EXOC6: variants seen among roughly 807,000 people sequenced by gnomAD.
EXOC6 encodes SEC15-like 1.
In EXOC6, 60 loss-of-function variants were observed where a neutral mutation model predicts 112.5. That is an observed-to-expected ratio of 0.53 (90% CI 0.43 to 0.66). The LOEUF is 0.66. EXOC6 is among the 30% of genes least tolerant of loss of function. EXOC6 has a pLI of 0.00. For synonymous variants in EXOC6, 295 were observed against 308.0 expected (o/e 0.96, Z 0.44); for missense variants, 855 against 957.1 (o/e 0.89, Z 1.41).
chr10:92,842,569 G>A (rs968664140), intron 1 of EXOC6, among the ~76,000 whole-genome samples: 2 of 151,864 alleles, frequency 1.3e-5, no homozygotes, highest in Non-Finnish European at 1.5e-5. Flanking sequence ...GGCAGTAAAG[G>A]AAGGCTAAGC....
At chr10:92,829,484 C>T (rs758233462) in intron 1 of EXOC6, among the ~76,000 whole-genome samples, 9 of 152,216 alleles carry the variant, frequency 5.9e-5, no homozygotes, top group African/African-American at 1.4e-4. Flanking sequence ...CAATGAACCT[C>T]GGACAACAAC....
At chr10:92,899,814 C>T (rs958962685) in intron 5 of EXOC6, 170 bp downstream of exon 5, 1 of 486,836 alleles carries the variant, frequency 2.1e-6, no homozygotes, top group African/African-American at 2.0e-5. Context: ...CAAATCTTAG[C>T]CTTTTATTAA....
rs765913469 is a variant in EXOC6, at chr10:92,934,449, A to T, written c.1140+19A>T. ...TCATTCAGTAAGTCAGACAATTTAC[A>T]TTACTAAAATTTTAATTCAGTTACT... On this transcript the variant is annotated intron_variant, in intron 11 of 21. Coordinates refer to ENST00000260762, the MANE Select transcript of EXOC6 (RefSeq NM_019053.6). 4 of 1,529,164 alleles carry T rather than the reference A, an allele frequency of 2.6e-6. No individual in the cohort carries two copies. The highest frequency in any genetic ancestry group is 3.5e-6 in the Non-Finnish European group (4 of 1,146,268). The allele number at this position is 1,529,164 out of a possible 1,614,324, so 94.7% of individuals were successfully genotyped here. A position where few individuals can be genotyped will look rare whatever the true frequency, so the allele number is the denominator to read the frequency against.
intron 2 of EXOC6, among the ~76,000 whole-genome samples, chr10:92,893,997 T>C (rs1211300784): frequency 2.0e-5 from 3 of 152,192 alleles, no homozygotes; most frequent in African/African-American, 7.2e-5. Flanking sequence ...AGCTAAAACA[T>C]TATTTATTAA....
intron 20 of EXOC6, among the ~76,000 whole-genome samples, chr10:93,022,635 A>C (rs2134262930): frequency 6.6e-6 from 1 of 152,266 alleles, no homozygotes; most frequent in Admixed American, 6.5e-5. Flanking sequence ...TGAAAAAGAT[A>C]GATATTTTTC....
At chr10:92,970,059 G>A (rs867632436) in intron 17 of EXOC6, among the ~76,000 whole-genome samples, 2 of 152,008 alleles carry the variant, frequency 1.3e-5, no homozygotes, top group South Asian at 2.1e-4. Flanking sequence ...CTTTTTTCAA[G>A]ACAGGGGTGA....
In EXOC6 at chr10:92,934,387, A is replaced by G. The variant is rs776549489; in HGVS notation, c.1097A>G (p.Asn366Ser). Reference protein sequence around the residue: ...VTRAYTDELWNMALSKIIAVL... With the variant: ...VTRAYTDELWSMALSKIIAVL... ...AGGGCATACACTGATGAACTTTGGA[A>G]CATGGCCCTCTCAAAGATAATTGCT... Residue 366 changes from asparagine (N) to serine (S), a missense_variant, in exon 11 of 22, where the codon AAC (asparagine) becomes AGC (serine). Physicochemically the swap from Asn to Ser is conservative, Grantham distance 46 (BLOSUM62 1). Transcript: ENST00000260762. 1.2e-6 allele frequency: 2 copies of G among 1,602,392 alleles called. No homozygotes were observed. Among genetic ancestry groups the G allele is most frequent in the African/African-American group, 2.7e-5 (2 of 74,056 alleles).
chr10:92,935,728 C>T, intron 11 of EXOC6, 86 bp from the exon 12 acceptor site: 1 of 955,218 alleles, frequency 1.0e-6, no homozygotes. Context: ...GAAACATTAT[C>T]AATTTCTTAT....
chr10:93,018,863 A>G (rs1227029046), intron 20 of EXOC6, among the ~76,000 whole-genome samples: 3 of 151,746 alleles, frequency 2.0e-5, no homozygotes, highest in African/African-American at 7.2e-5. Flanking sequence ...AAAATATTAA[A>G]TTAAAAAAAT....
At chr10:93,019,142 G>T (rs1386092013) in intron 20 of EXOC6, among the ~76,000 whole-genome samples, 1 of 151,894 alleles carries the variant, frequency 6.6e-6, no homozygotes, top group African/African-American at 2.4e-5. Flanking sequence ...TATGAGACTG[G>T]CTAGTTTTTG....
intron 17 of EXOC6, among the ~76,000 whole-genome samples, chr10:92,962,740 G>T (rs1056988807): frequency 6.6e-6 from 1 of 152,158 alleles, no homozygotes; most frequent in Non-Finnish European, 1.5e-5. Context: ...GGAAGATATG[G>T]AATGGTTCTT....
At chr10:92,979,634 T>C (rs1842757758) in intron 18 of EXOC6, among the ~76,000 whole-genome samples, 1 of 152,164 alleles carries the variant, frequency 6.6e-6, no homozygotes, top group African/African-American at 2.4e-5. Flanking sequence ...AGTGAGAGAA[T>C]TGATTACTTC....
At chr10:92,991,106 A>C (rs865612) in intron 18 of EXOC6, among the ~76,000 whole-genome samples, 1,610 of 148,210 alleles carry the variant, frequency 0.011, 34 homozygotes, top group African/African-American at 0.038. Flanking sequence ...TGTTGTCTAA[A>C]CCATTAGTGA....
At chr10:93,004,298 A>G (rs1843883119) in intron 19 of EXOC6, among the ~76,000 whole-genome samples, 1 of 152,142 alleles carries the variant, frequency 6.6e-6, no homozygotes, top group African/African-American at 2.4e-5. Flanking sequence ...ACAGAGTGCT[A>G]TGCTCATAAT....
chr10:92,914,386 G>A (rs1400950303), intron 6 of EXOC6, among the ~76,000 whole-genome samples: 3 of 152,070 alleles, frequency 2.0e-5, no homozygotes, highest in African/African-American at 7.2e-5. Context: ...AAAGTTAAGC[G>A]GATTTCTTTA....
Position 92,952,299 on chromosome 10 carries a change from G to C in EXOC6, c.1443G>C (p.Met481Ile). 6.2e-7 allele frequency: 1 copy of C among 1,610,396 alleles called. No homozygotes were observed. The highest frequency in any genetic ancestry group is 8.5e-7 in the Non-Finnish European group (1 of 1,178,160). ...EKQSFPKKFP[M>I]SQSVPHIYIQ... ...AGTCTTTCCCAAAGAAATTCCCCAT[G>C]TCTCAGTCAGTGCCTCATATTTACA... is the stretch of plus-strand genomic sequence containing the variant. The change falls in exon 15 of 22, where the codon ATG becomes ATC. Residue 481 changes from methionine (M) to isoleucine (I), a missense_variant. By Grantham distance (10) the Met-to-Ile change is conservative. Transcript: ENST00000260762.
At chr10:92,956,217 T>C (rs1192647645) in intron 17 of EXOC6, among the ~76,000 whole-genome samples, 1 of 152,124 alleles carries the variant, frequency 6.6e-6, no homozygotes, top group Non-Finnish European at 1.5e-5. Context: ...ATGGTTGTTT[T>C]AGGTAGAATG....
At position 92,935,669 on chromosome 10, in the gene EXOC6, A is replaced by G; in HGVS notation, c.1141-145A>G. On this transcript the variant is annotated intron_variant, in intron 11 of 21. Coordinates refer to ENST00000260762, the MANE Select transcript of EXOC6 (RefSeq NM_019053.6). ...ACTGAATAGAGAAGGTCTGTTGTGA[A>G]TCTAACCAACCAAAATTTTAAACTT... The G allele has an allele frequency of 7.6e-6, 5 of 658,464 alleles. 1 individual carries two copies. Among genetic ancestry groups the G allele is most frequent in the South Asian group, 5.2e-5 (3 of 57,456 alleles). 40.8% of individuals were successfully genotyped at this position (658,464 alleles called of 1,614,324 possible).
intron 20 of EXOC6, among the ~76,000 whole-genome samples, chr10:93,050,996 A>T (rs1846263775): frequency 6.6e-6 from 1 of 152,122 alleles, no homozygotes; most frequent in South Asian, 2.1e-4. Context: ...TATGTATTTG[A>T]TAAAATTAAT....
Sources: allele counts gnomAD v4.1 joint callset (sites outside exome capture counted in the v4.1 genomes callset), GRCh38; gene constraint gnomAD v4.1.1; transcripts MANE v1.5; gene names NCBI Gene and HGNC (gene_info 2026-07-23, HGNC 2026-07-21).